Variants in NRAP observed in about 807,000 individuals in gnomAD.
NRAP encodes the protein nebulin related anchoring protein, also known as nebulin-related-anchoring protein.
In NRAP, 189 loss-of-function variants were observed where a neutral mutation model predicts 225.9. That is an observed-to-expected ratio of 0.84 (90% confidence interval 0.74 to 0.94). The LOEUF (loss-of-function observed/expected upper bound fraction) is 0.94, where lower values mean the gene tolerates loss of function less well. Ranked by LOEUF, NRAP falls within the 40% of genes least tolerant of loss-of-function variation. The pLI is 0.00. For synonymous variants in NRAP, 769 were observed against 790.7 expected, an observed-to-expected ratio of 0.97 and a Z score of 0.46; for missense variants, 2,176 against 2,168.7, an observed-to-expected ratio of 1.00 and a Z score of -0.07.
chr10:113,601,063 G>C lies in NRAP; in HGVS notation c.4228-2990C>G, dbSNP rs573403687. 1.2e-4 allele frequency among the ~76,000 whole-genome samples: 19 copies of C among 152,330 alleles called. No homozygotes were observed. In the South Asian group the frequency reaches 3.7e-3, roughly 30 times the overall value. On this transcript the variant is annotated intron_variant, in intron 35 of 41. Coordinates refer to ENST00000359988, the MANE Select transcript of NRAP (RefSeq NM_198060.4). ...GCAGCCTGGTCTGAGACCACGGAGG[G>C]AGCAGGCAACAGCCGACTTGAGAAG...
rs11599399 is a variant in NRAP, at chr10:113,620,552, C to T, written c.2874+52G>A. 63,366 of 1,135,630 alleles carry T rather than the reference C, an allele frequency of 0.056. 2,140 individuals are homozygous for T. The highest frequency in any genetic ancestry group is 0.071 in the Middle Eastern group (358 of 5,078). The allele number at this position is 1,135,630 out of a possible 1,614,324, so 70.3% of individuals were successfully genotyped here. ...AAATTATTTTAATTTTATACAGAGA[C>T]GCCGCACGCCTAATGCAGCCAGGCC... is the stretch of plus-strand genomic sequence containing the variant. On this transcript the variant is annotated intron_variant, in intron 25 of 41. Transcript: ENST00000359988.
chr10:113,589,838 G>A (rs199520396), intron 40 of NRAP, 41 bp from the exon 41 acceptor site: 2 of 1,601,008 alleles, frequency 1.2e-6, no homozygotes. Context: ...TGTCAGCAGG[G>A]TTTGGAGCGG....
intron 29 of NRAP, 30 bp from the exon 30 acceptor site, chr10:113,612,461 A>G (rs1468733418): frequency 6.3e-7 from 1 of 1,587,992 alleles, no homozygotes. Context: ...AACAGCAGCT[A>G]TTTCAAAGCC....
At chr10:113,620,285 C>T (rs1236603744) in intron 25 of NRAP, among the ~76,000 whole-genome samples, 1 of 152,090 alleles carries the variant, frequency 6.6e-6, no homozygotes, top group Admixed American at 6.5e-5. Context: ...TTTTTGGGTG[C>T]CATAAATGTA....
chr10:113,597,370 A>C (rs1364702799), intron 36 of NRAP, among the ~76,000 whole-genome samples, 186 bp from the exon 37 acceptor site: 2 of 140,226 alleles, frequency 1.4e-5, no homozygotes, highest in African/African-American at 5.3e-5. Flanking sequence ...TGTGATATGG[A>C]ACATTTTACA....
chr10:113,650,351 C>A, intron 8 of NRAP, 87 bp downstream of exon 8: 1 of 1,017,262 alleles, frequency 9.8e-7, no homozygotes, highest in Admixed American at 1.8e-5. Context: ...AGGGTAAATG[C>A]AAAAGTCAAC....
At position 113,631,905 on chromosome 10, in the gene NRAP, A is replaced by T. The variant is rs1848603817; in HGVS notation, c.1692T>A (p.Asp564Glu). The T allele has an allele frequency of 6.2e-7, 1 of 1,613,916 alleles. No homozygotes were observed. Among genetic ancestry groups the T allele is most frequent in the East Asian group, 2.2e-5 (1 of 44,886 alleles). Residue 564 changes from aspartate (D) to glutamate (E), a missense_variant, in exon 17 of 42, where the codon GAT becomes GAA. Coordinates refer to ENST00000359988, the MANE Select transcript of NRAP (RefSeq NM_198060.4). ...CTTTGGCGGCCAGCAGAGACATGGCATCCAGCTTCATCTCAAATCCTTTCC... is the reference window on the plus strand; with the variant it reads ...CTTTGGCGGCCAGCAGAGACATGGCTTCCAGCTTCATCTCAAATCCTTTCC... ...TKGKGFEMKL[D>E]AMSLLAAKAS... is the part of the protein sequence containing the mutation.
At position 113,604,681 on chromosome 10, in the gene NRAP, A is replaced by G; in HGVS notation, c.4155T>C (p.Tyr1385=). 1 of 1,614,132 alleles carries G rather than the reference A, an allele frequency of 6.2e-7. No homozygotes were observed. The highest frequency in any genetic ancestry group is 8.5e-7 in the Non-Finnish European group (1 of 1,180,026). ...LASDHDYRTQ[Y]HKFTALPEDL... is the part of the protein sequence containing the mutation. ...CCTCGGGCAGTGCTGTGAACTTGTG[A>G]TACTGTGTCCTGTAGTCGTGGTCGC... The change falls in exon 35 of 42, where the codon TAT becomes TAC. Residue 1385 remains tyrosine (Y), a synonymous_variant. Transcript: ENST00000359988.
chr10:113,627,860 G>A (rs1386834795), intron 20 of NRAP, among the ~76,000 whole-genome samples: 1 of 152,102 alleles, frequency 6.6e-6, no homozygotes, highest in Admixed American at 6.5e-5. Flanking sequence ...GAAGACTGTG[G>A]CAACCTATAC....
Position 113,623,509 on chromosome 10 carries a change from CA to C in NRAP, c.2457+19del. ...AGGCAGGATTCTGCGGTCTCTTGTA[CA>C]AGGTGGGGACAGACTCACCTCGCTA... On this transcript the variant is annotated intron_variant, in intron 23 of 41. Coordinates refer to ENST00000359988, the MANE Select transcript of NRAP (RefSeq NM_198060.4). The C allele has an allele frequency of 6.5e-7, 1 of 1,548,208 alleles. No individual in the cohort carries two copies. Among genetic ancestry groups the C allele is most frequent in the East Asian group, 2.2e-5 (1 of 44,538 alleles).
chr10:113,589,168 C>G, intron 41 of NRAP, 89 bp from the exon 42 acceptor site: 1 of 1,049,124 alleles, frequency 9.5e-7, no homozygotes, highest in African/African-American at 1.6e-5. Flanking sequence ...CTAAGAAGCA[C>G]AGGGAGCATT....
Position 113,589,657 on chromosome 10 carries a change from G to A in NRAP, c.5088+9C>T. On this transcript the variant is annotated intron_variant, in intron 41 of 41. Coordinates refer to ENST00000359988, the MANE Select transcript of NRAP (RefSeq NM_198060.4). ...CAAGCCAGGGGTGGCTTTGCAGCTT[G>A]CTACTCACGTAAGCTCCCTGGAGAC... 6.2e-7 allele frequency: 1 copy of A among 1,611,168 alleles called. No individual in the cohort carries two copies. Among genetic ancestry groups the A allele is most frequent in the Non-Finnish European group, 8.5e-7 (1 of 1,179,120 alleles).
At chr10:113,640,086 A>C in intron 14 of NRAP, 141 bp downstream of exon 14, 1 of 520,748 alleles carries the variant, frequency 1.9e-6, no homozygotes, top group East Asian at 3.3e-5. Flanking sequence ...GAAAATAGAA[A>C]AGGATTTCCC....
At position 113,657,558 on chromosome 10, in the gene NRAP, T is replaced by C. The variant is rs1217644344; in HGVS notation, c.272A>G (p.Asp91Gly). Residue 91 changes from aspartate (D) to glycine (G), a missense_variant, in exon 4 of 42, where the codon GAT becomes GGT. By Grantham distance (94) the Asp-to-Gly change is moderately conservative. Transcript: ENST00000359988. ...EAISGIHDQE[D>G]GEQCKSVFHW... ...AAAAACTGATTTACACTGTTCACCA[T>C]CTTCTTGGTCATGGATCTGCTCAAG... The C allele has an allele frequency of 1.2e-5, 19 of 1,582,902 alleles. No individual in the cohort carries two copies. The highest frequency in any genetic ancestry group is 1.5e-5 in the Non-Finnish European group (17 of 1,151,674).
intron 3 of NRAP, 55 bp from the exon 4 acceptor site, chr10:113,657,629 TAGAC>T (rs1850389282): frequency 9.6e-7 from 1 of 1,044,740 alleles, no homozygotes; most frequent in South Asian, 1.3e-5. Flanking sequence ...GAAAAAAACA[TAGAC>T]AAACAATTCC....
chr10:113,588,933 A>AAACT lies in NRAP; in HGVS notation c.*38_*41dup, dbSNP rs1319952313. ...CATCTGAAGCCTGTCTCTGGTGAAC[A>AAACT]AACTTCCTCTCTGGCCTCTCAGGAA... On this transcript the variant is annotated 3_prime_UTR_variant, in exon 42 of 42. Transcript: ENST00000359988. 12 of 1,528,874 alleles carry AAACT rather than the reference A, an allele frequency of 7.8e-6. No homozygotes were observed. The highest frequency in any genetic ancestry group is 1.1e-5 in the Non-Finnish European group (12 of 1,104,150). 94.7% of individuals were successfully genotyped at this position (1,528,874 alleles called of 1,614,324 possible).
chr10:113,588,775 A>G lies in NRAP; in HGVS notation c.*200T>C. 1 of 584,826 alleles carries G rather than the reference A, an allele frequency of 1.7e-6. No homozygotes were observed. Among genetic ancestry groups the G allele is most frequent in the Non-Finnish European group, 3.0e-6 (1 of 330,194 alleles). The allele number at this position is 584,826 out of a possible 1,614,324, so 36.2% of individuals were successfully genotyped here. On this transcript the variant is annotated 3_prime_UTR_variant, in exon 42 of 42. Transcript: ENST00000359988. ...CCAGACACTCGAGGCACTCAACAGA[A>G]TCAGCCATCCACGTCTAGGTATCAG...
rs1848732715 is a variant in NRAP at position 113,634,224 on chromosome 10, G to C, written c.1429-14C>G. On this transcript the variant is annotated splice_polypyrimidine_tract_variant and intron_variant, in intron 14 of 41. Coordinates refer to ENST00000359988, the MANE Select transcript of NRAP (RefSeq NM_198060.4). ...CCTATAATTGGCCTAGGTAAAAACA[G>C]GCACAAAAAGATGTCATTTGCTCTT... 1.3e-6 allele frequency: 2 copies of C among 1,553,768 alleles called. No homozygotes were observed. Among genetic ancestry groups the C allele is most frequent in the African/African-American group, 2.7e-5 (2 of 73,722 alleles).
rs547867862 is a variant in NRAP at position 113,597,548 on chromosome 10, C to T, written c.4333-364G>A. ...AGGCAGTGTCACCTTCGAGGGAATT[C>T]CAGGGCAGGGATCCCCAGGCTGTTA... is the stretch of plus-strand genomic sequence containing the variant. On this transcript the variant is annotated intron_variant, in intron 36 of 41. Coordinates refer to ENST00000359988, the MANE Select transcript of NRAP (RefSeq NM_198060.4). Among the ~76,000 whole-genome samples the T allele has an allele frequency of 2.6e-5, 4 of 152,216 alleles. No individual in the cohort carries two copies. The South Asian group carries it at 6.2e-4, about 24-fold the overall frequency.
Sources: allele counts gnomAD v4.1 joint callset (sites outside exome capture counted in the v4.1 genomes callset), GRCh38; gene constraint gnomAD v4.1.1; transcripts MANE v1.5; gene names NCBI Gene and HGNC (gene_info 2026-07-23, HGNC 2026-07-21).